Variants in LRRTM4 observed in about 807,000 individuals in gnomAD.
LRRTM4 encodes leucine-rich repeat transmembrane neuronal protein 4.
Under a neutral mutation model 47.6 loss-of-function variants are expected in LRRTM4, and 25 were observed. That is an observed-to-expected ratio of 0.53 (90% CI 0.38 to 0.73). The LOEUF (loss-of-function observed/expected upper bound fraction) is 0.73, where lower values mean the gene tolerates loss of function less well. Ranked by LOEUF, LRRTM4 falls within the 30% of genes least tolerant of loss-of-function variation. The pLI is 0.00. For synonymous variants in LRRTM4, 311 were observed against 269.5 expected, an observed-to-expected ratio of 1.15 and a Z score of -1.51; for missense variants, 638 against 713.4, an observed-to-expected ratio of 0.89 and a Z score of 1.20.
intron 3 of LRRTM4, among the ~76,000 whole-genome samples, chr2:76,774,961 G>A (rs1476150901): frequency 6.6e-6 from 1 of 152,098 alleles, no homozygotes; most frequent in African/African-American, 2.4e-5. Context: ...TTCCGTAGCA[G>A]GTACTGGTTC....
At chr2:76,763,009 A>C (rs1673316866) in intron 3 of LRRTM4, among the ~76,000 whole-genome samples, 1 of 152,206 alleles carries the variant, frequency 6.6e-6, no homozygotes, top group Non-Finnish European at 1.5e-5. Context: ...GTAGAGTCTC[A>C]GAAGATTGAG....
chr2:76,795,457 T>C (rs1263712074), intron 3 of LRRTM4, among the ~76,000 whole-genome samples: 1 of 152,180 alleles, frequency 6.6e-6, no homozygotes, highest in Non-Finnish European at 1.5e-5. Flanking sequence ...TTGTAATGAC[T>C]ATATACACAG....
At chr2:76,807,553 C>T (rs1293753500) in intron 3 of LRRTM4, among the ~76,000 whole-genome samples, 1 of 145,568 alleles carries the variant, frequency 6.9e-6, no homozygotes, top group Non-Finnish European at 1.5e-5. Flanking sequence ...TTGCCATAAT[C>T]ATGATTTTCT....
chr2:77,298,617 C>G (rs1677040038), intron 3 of LRRTM4, among the ~76,000 whole-genome samples: 1 of 152,132 alleles, frequency 6.6e-6, no homozygotes, highest in Non-Finnish European at 1.5e-5. Flanking sequence ...GTCTAAAATT[C>G]TAGAGACAAT....
chr2:76,932,875 G>A (rs979901843), intron 3 of LRRTM4, among the ~76,000 whole-genome samples: 1 of 151,780 alleles, frequency 6.6e-6, no homozygotes, highest in Admixed American at 6.6e-5. Context: ...TTTAAGTTCT[G>A]GGGTACATAT....
At chr2:77,295,004 A>C (rs1676932010) in intron 3 of LRRTM4, among the ~76,000 whole-genome samples, 1 of 152,106 alleles carries the variant, frequency 6.6e-6, no homozygotes, top group Admixed American at 6.6e-5. Context: ...TATCATGAAA[A>C]ATTTATAAAA....
Position 76,777,195 on chromosome 2 carries a change from T to A in LRRTM4, c.1552-28279A>T, listed in dbSNP as rs188439782. Among the ~76,000 whole-genome samples, 693 of 151,032 alleles carry A rather than the reference T, an allele frequency of 4.6e-3. 19 individuals are homozygous for A. Among genetic ancestry groups the A allele is most frequent in the Non-Finnish European group, 6.8e-3 (464 of 67,840 alleles). On this transcript the variant is annotated intron_variant, in intron 3 of 3. Coordinates refer to ENST00000409884, the MANE Select transcript of LRRTM4 (RefSeq NM_001134745.3). ...TATAGTTTGAAGTCAGGGAGTGTGA[T>A]GCATCCAGCTTTGTTCTTTTGGCTT... is the stretch of plus-strand genomic sequence containing the variant.
At chr2:77,290,129 A>G (rs940624190) in intron 3 of LRRTM4, among the ~76,000 whole-genome samples, 3 of 151,996 alleles carry the variant, frequency 2.0e-5, no homozygotes, top group Non-Finnish European at 4.4e-5. Flanking sequence ...GACTCATGAA[A>G]CAAACTAGAT....
intron 3 of LRRTM4, among the ~76,000 whole-genome samples, chr2:76,758,954 G>T (rs1271038464): frequency 6.6e-6 from 1 of 152,110 alleles, no homozygotes; most frequent in Non-Finnish European, 1.5e-5. Context: ...GAATGAACAT[G>T]ACTGTTTCCA....
At chr2:77,156,999 T>C (rs886261869) in intron 3 of LRRTM4, among the ~76,000 whole-genome samples, 1 of 152,116 alleles carries the variant, frequency 6.6e-6, no homozygotes, top group East Asian at 1.9e-4. Flanking sequence ...ACCTTTAATA[T>C]TTGTTATCAA....
chr2:77,296,738 G>A (rs1676984313), intron 3 of LRRTM4, among the ~76,000 whole-genome samples: 1 of 152,132 alleles, frequency 6.6e-6, no homozygotes, highest in Non-Finnish European at 1.5e-5. Flanking sequence ...ACTCCCCAGA[G>A]TGAGCTGGGC....
At chr2:76,880,757 C>G (rs571959110) in intron 3 of LRRTM4, among the ~76,000 whole-genome samples, 1 of 152,110 alleles carries the variant, frequency 6.6e-6, no homozygotes, top group Non-Finnish European at 1.5e-5. Flanking sequence ...GGTAATTAAA[C>G]GAACTTTTCA....
At chr2:76,896,435 G>A (rs897977698) in intron 3 of LRRTM4, among the ~76,000 whole-genome samples, 6 of 151,950 alleles carry the variant, frequency 3.9e-5, no homozygotes, top group South Asian at 2.1e-4. Flanking sequence ...CTGATCCAGA[G>A]TACTGCAAAT....
At chr2:77,126,672 G>A (rs185510414) in intron 3 of LRRTM4, among the ~76,000 whole-genome samples, 1 of 152,160 alleles carries the variant, frequency 6.6e-6, no homozygotes, top group African/African-American at 2.4e-5. Flanking sequence ...AGTGACATAG[G>A]GGTCTTGTCA....
chr2:76,749,033 A>C, intron 3 of LRRTM4, 117 bp from the exon 4 acceptor site: 1 of 720,080 alleles, frequency 1.4e-6, no homozygotes, highest in Non-Finnish European at 2.4e-6. Context: ...ATCAGCTACA[A>C]ATTCAACTAC....
intron 3 of LRRTM4, among the ~76,000 whole-genome samples, chr2:76,779,181 G>C (rs1016670371): frequency 1.3e-5 from 2 of 151,996 alleles, no homozygotes; most frequent in African/African-American, 2.4e-5. Context: ...TTACTTCCAA[G>C]TATGTGGTCA....
At chr2:77,296,296 C>T (rs182006528) in intron 3 of LRRTM4, among the ~76,000 whole-genome samples, 89 of 152,214 alleles carry the variant, frequency 5.8e-4, no homozygotes, top group African/African-American at 2.1e-3. Flanking sequence ...TTTCAATTTG[C>T]ATTTCTAAAG....
intron 3 of LRRTM4, among the ~76,000 whole-genome samples, chr2:77,100,617 C>A (rs937604162): frequency 2.0e-5 from 3 of 151,830 alleles, no homozygotes; most frequent in African/African-American, 7.3e-5. Flanking sequence ...ACAATGAAAC[C>A]AATGGGCAGC....
chr2:77,164,249 A>T (rs1672815631), intron 3 of LRRTM4, among the ~76,000 whole-genome samples: 1 of 152,228 alleles, frequency 6.6e-6, no homozygotes, highest in Non-Finnish European at 1.5e-5. Flanking sequence ...TCAATTCAAC[A>T]AGAAGAGCTA....
Sources: allele counts gnomAD v4.1 joint callset (sites outside exome capture counted in the v4.1 genomes callset), GRCh38; gene constraint gnomAD v4.1.1; transcripts MANE v1.5; gene names NCBI Gene and HGNC (gene_info 2026-07-23, HGNC 2026-07-21).